ALK: variants seen among roughly 807,000 people sequenced by gnomAD.
ALK encodes ALK receptor tyrosine kinase, also known as ALK tyrosine kinase receptor.
Under a neutral mutation model 163.1 loss-of-function variants are expected in ALK, and 74 were observed. That is an observed-to-expected ratio of 0.45 (90% CI 0.38 to 0.55). ALK has a LOEUF of 0.55. ALK is among the 20% of genes least tolerant of loss of function. The pLI is 0.00. For synonymous variants in ALK, 960 were observed against 843.2 expected (o/e 1.14, Z -2.40); for missense variants, 2,063 against 2,105.3 (o/e 0.98, Z 0.39).
At chr2:29,789,746 G>A (rs542257422) in intron 1 of ALK, among the ~76,000 whole-genome samples, 7 of 152,158 alleles carry the variant, frequency 4.6e-5, no homozygotes, top group African/African-American at 9.7e-5. Context: ...CCTAAGGAGC[G>A]TTTAAAATCA....
chr2:29,738,716 G>A (rs1679963466), intron 1 of ALK, among the ~76,000 whole-genome samples: 1 of 152,070 alleles, frequency 6.6e-6, no homozygotes, highest in African/African-American at 2.4e-5. Flanking sequence ...ATCAATTAAA[G>A]AGTGGCCTCA....
chr2:29,227,554 CTGCCTGGCA>C lies in ALK; in HGVS notation c.2914+11_2914+19del. 1 of 1,601,808 alleles carries C rather than the reference CTGCCTGGCA, an allele frequency of 6.2e-7. No individual in the cohort carries two copies. The highest frequency in any genetic ancestry group is 1.1e-5 in the South Asian group (1 of 90,848). On this transcript the variant is annotated intron_variant, in intron 17 of 28. Transcript: ENST00000389048. The surrounding 1 kb of genome is among the most constrained non-coding windows in gnomAD (Gnocchi z 4.4). ...GACTGACCTAAGCAAGTTTGTTCTGCTGCCTGGCAGAGAAGCTACCTTTTAAAGCTGGGG... is the reference window on the plus strand; with the variant it reads ...GACTGACCTAAGCAAGTTTGTTCTGCGAGAAGCTACCTTTTAAAGCTGGGG...
intron 11 of ALK, among the ~76,000 whole-genome samples, chr2:29,265,419 T>G (rs1445734433): frequency 6.6e-6 from 1 of 152,170 alleles, no homozygotes; most frequent in African/African-American, 2.4e-5. Context: ...GTAGACTGAA[T>G]GGTCTAGTTA....
At chr2:29,603,560 G>A (rs1463799171) in intron 3 of ALK, among the ~76,000 whole-genome samples, 1 of 152,108 alleles carries the variant, frequency 6.6e-6, no homozygotes, top group Non-Finnish European at 1.5e-5. Flanking sequence ...AGGCATGACT[G>A]ACCCCCTCCT....
rs776805270 is a variant in ALK at position 29,296,966 on chromosome 2, A to T, written c.1739T>A (p.Met580Lys). The change falls in exon 9 of 29, where the codon ATG (methionine) becomes AAG (lysine). Residue 580 changes from methionine (M) to lysine (K), a missense_variant. By Grantham distance (95) the Met-to-Lys change is moderately conservative (BLOSUM62 -1). Transcript: ENST00000389048. ...ENKTGKEQGR[M>K]VWHVAAYEGL... ...TTCATAGGCGGCGACATGCCAGACC[A>T]TCCTGCCTTGCTCCTTCCCGGTTTT... The T allele has an allele frequency of 6.2e-7, 1 of 1,614,088 alleles. No homozygotes were observed. Among genetic ancestry groups the T allele is most frequent in the Non-Finnish European group, 8.5e-7 (1 of 1,180,040 alleles).
intron 9 of ALK, among the ~76,000 whole-genome samples, chr2:29,285,909 C>T (rs937151827): frequency 6.6e-6 from 1 of 152,048 alleles, no homozygotes; most frequent in South Asian, 2.1e-4. Flanking sequence ...AAACACCTGG[C>T]CTAATATTCA....
intron 12 of ALK, among the ~76,000 whole-genome samples, chr2:29,240,783 C>T (rs562009931): frequency 3.9e-5 from 6 of 152,140 alleles, no homozygotes; most frequent in South Asian, 2.1e-4. Flanking sequence ...AGACAGCTAA[C>T]GCACCAGCTA....
chr2:29,782,097 G>C (rs771876269), intron 1 of ALK, among the ~76,000 whole-genome samples: 1 of 152,182 alleles, frequency 6.6e-6, no homozygotes, highest in Non-Finnish European at 1.5e-5. Flanking sequence ...ATTGCCTCAG[G>C]GGAGGGGGGA....
At chr2:29,633,569 G>C (rs1041170963) in intron 3 of ALK, among the ~76,000 whole-genome samples, 3 of 151,340 alleles carry the variant, frequency 2.0e-5, no homozygotes, top group African/African-American at 4.9e-5. Context: ...AATAAATATA[G>C]AGAAAAAAAT....
At chr2:29,859,086 C>T (rs1164234978) in intron 1 of ALK, among the ~76,000 whole-genome samples, 1 of 152,046 alleles carries the variant, frequency 6.6e-6, no homozygotes, top group East Asian at 1.9e-4. Context: ...AGTTGATCTT[C>T]CAGACATTCT....
At chr2:29,579,334 C>T (rs1294220802) in intron 3 of ALK, among the ~76,000 whole-genome samples, 1 of 152,160 alleles carries the variant, frequency 6.6e-6, no homozygotes. Flanking sequence ...GCACCAATAG[C>T]TGTCTTTCTA....
chr2:29,680,227 A>G (rs1029481351), intron 3 of ALK, among the ~76,000 whole-genome samples: 1 of 151,952 alleles, frequency 6.6e-6, no homozygotes, highest in Non-Finnish European at 1.5e-5. Context: ...TTTTTTCACC[A>G]AATTTGGCAA....
chr2:29,914,955 C>T (rs182341482), intron 1 of ALK, among the ~76,000 whole-genome samples: 2 of 152,244 alleles, frequency 1.3e-5, no homozygotes. Context: ...ACTTCATTTA[C>T]AAAATAAAGC....
rs189825284 is a variant in ALK, at chr2:29,562,874, G to A, written c.953-30758C>T. Reference sequence around the variant, plus strand: ...ACTCAACAGAGGGCTTAACAGATTCGAAAGGATTGGGTCTATCTTAAGTAG... The same window carrying A: ...ACTCAACAGAGGGCTTAACAGATTCAAAAGGATTGGGTCTATCTTAAGTAG... On this transcript the variant is annotated intron_variant, in intron 3 of 28. Transcript: ENST00000389048. 3.0e-4 allele frequency among the ~76,000 whole-genome samples: 46 copies of A among 152,306 alleles called. No individual in the cohort carries two copies. In the East Asian group the frequency reaches 6.8e-3, roughly 22 times the overall value.
chr2:29,373,043 AC>A (rs1316565776), intron 5 of ALK, among the ~76,000 whole-genome samples: 2 of 152,278 alleles, frequency 1.3e-5, no homozygotes, highest in Non-Finnish European at 2.9e-5. Context: ...TAAAGAGAAA[AC>A]ATCTTCCCAA....
At chr2:29,243,575 C>T (rs74499513) in intron 12 of ALK, among the ~76,000 whole-genome samples, 7,410 of 152,176 alleles carry the variant, frequency 0.049, 238 homozygotes, top group Non-Finnish European at 0.072. Flanking sequence ...ACCAAGTGGG[C>T]GAACCAGGGC....
rs75158395 is a variant in ALK at position 29,296,949 on chromosome 2, C to A, written c.1756G>T (p.Ala586Ser). 3.1e-6 allele frequency: 5 copies of A among 1,614,174 alleles called. No individual in the cohort carries two copies. In the African/African-American group the frequency reaches 4.0e-5, roughly 13 times the overall value. The change falls in exon 9 of 29, where the codon GCC (alanine) becomes TCC (serine). Residue 586 changes from alanine (A) to serine (S), a missense_variant. Around this residue, in one of 5 missense-constraint regions of ALK, gnomAD observed 987 missense variants for 939.5 expected, o/e 1.05. Transcript: ENST00000389048. ...TGCCACAGGCTCAAGCCTTCATAGG[C>A]GGCGACATGCCAGACCATCCTGCCT... ...EQGRMVWHVA[A>S]YEGLSLWQWM...
intron 4 of ALK, among the ~76,000 whole-genome samples, chr2:29,506,801 G>A (rs370989166): frequency 2.6e-5 from 4 of 151,792 alleles, no homozygotes; most frequent in African/African-American, 9.7e-5. Flanking sequence ...AAAGAAGACC[G>A]AAACAGTGTT....
intron 26 of ALK, 92 bp downstream of exon 26, chr2:29,207,079 A>C: frequency 1.0e-6 from 1 of 969,394 alleles, no homozygotes; most frequent in Non-Finnish European, 1.7e-6. Flanking sequence ...CCCTACTAAC[A>C]CACGGGCTCC....
Sources: gnomAD v4.1 joint callset for allele counts (sites outside exome capture counted in the v4.1 genomes callset) on GRCh38, gnomAD v4.1.1 for gene constraint, gnomAD v4.1.1 regional missense constraint, Gnocchi (gnomAD v3.1) non-coding constraint, MANE v1.5 for transcripts, NCBI Gene and HGNC (gene_info 2026-07-23, HGNC 2026-07-21) for gene names.